Variants in PKN2 observed in about 807,000 individuals in gnomAD.
The protein encoded by PKN2 is protein kinase N2, also known as serine/threonine-protein kinase N2.
A neutral mutation model predicts 119.1 loss-of-function variants in PKN2; 38 were observed. That is an observed-to-expected ratio of 0.32 (90% confidence interval 0.25 to 0.42). The LOEUF (loss-of-function observed/expected upper bound fraction) is 0.42, where lower values mean the gene tolerates loss of function less well. Among genes scored for constraint, PKN2 ranks in the 10% least tolerant of loss-of-function variants. PKN2 has a pLI of 1.00. For missense variants in PKN2, 850 were observed against 1,165.1 expected (o/e 0.73, Z 3.94); for synonymous variants, 390 against 384.9 (o/e 1.01, Z -0.15).
At chr1:88,773,207 A>G (rs1312448319) in intron 6 of PKN2, among the ~76,000 whole-genome samples, 1 of 151,680 alleles carries the variant, frequency 6.6e-6, no homozygotes, top group East Asian at 1.9e-4. Flanking sequence ...TCTGTTTTAT[A>G]AGATCCATTC....
intron 16 of PKN2, among the ~76,000 whole-genome samples, chr1:88,820,229 TATATAAATAGAA>T (rs1232306954): frequency 6.7e-4 from 28 of 41,902 alleles, no homozygotes; most frequent in African/African-American, 2.8e-3. Flanking sequence ...TATATATATA[TATATAAATAGAA>T]AAAAATAAAA....
At chr1:88,767,081 T>C (rs1278789505) in intron 3 of PKN2, among the ~76,000 whole-genome samples, 3 of 152,124 alleles carry the variant, frequency 2.0e-5, no homozygotes, top group African/African-American at 7.2e-5. Context: ...TATTATATGG[T>C]TTACTTAATA....
intron 1 of PKN2, chr1:88,684,935 C>A (rs935583157): frequency 5.9e-5 from 19 of 321,496 alleles, no homozygotes; most frequent in Non-Finnish European, 9.7e-5. Flanking sequence ...GAGAGGCCGG[C>A]CCGTCGCCCC....
At chr1:88,801,798 C>CACACCTGA (rs1671322017) in intron 8 of PKN2, among the ~76,000 whole-genome samples, 1 of 152,228 alleles carries the variant, frequency 6.6e-6, no homozygotes, top group African/African-American at 2.4e-5. Context: ...ATCGCGAGAG[C>CACACCTGA]ACACCTGAAC....
chr1:88,703,102 T>A (rs1299467906), intron 1 of PKN2, among the ~76,000 whole-genome samples: 1 of 152,242 alleles, frequency 6.6e-6, no homozygotes, highest in Non-Finnish European at 1.5e-5. Context: ...TGGTTTATTC[T>A]GTAGGTTCAA....
chr1:88,687,353 G>A (rs1176544016), intron 1 of PKN2, among the ~76,000 whole-genome samples: 1 of 152,100 alleles, frequency 6.6e-6, no homozygotes, highest in Non-Finnish European at 1.5e-5. Flanking sequence ...ATAAAAATCG[G>A]CTGTTTAAAA....
chr1:88,755,968 A>G (rs1315676514), intron 2 of PKN2, among the ~76,000 whole-genome samples: 1 of 149,286 alleles, frequency 6.7e-6, no homozygotes, highest in East Asian at 2.0e-4. Flanking sequence ...GCTGGAGTTC[A>G]GTGGCGCAAT....
chr1:88,757,429 A>G (rs1013172046), intron 2 of PKN2, among the ~76,000 whole-genome samples: 5 of 152,260 alleles, frequency 3.3e-5, no homozygotes, highest in South Asian at 4.2e-4. Flanking sequence ...CTTAATATCT[A>G]TATTTTTAGA....
intron 8 of PKN2, among the ~76,000 whole-genome samples, chr1:88,797,851 A>T (rs1671152750): frequency 6.6e-6 from 1 of 152,084 alleles, no homozygotes; most frequent in Non-Finnish European, 1.5e-5. Flanking sequence ...AATAGAGACC[A>T]GGCACAGTGG....
chr1:88,687,994 A>G (rs969137763), intron 1 of PKN2, among the ~76,000 whole-genome samples: 1 of 152,228 alleles, frequency 6.6e-6, no homozygotes, highest in African/African-American at 2.4e-5. Context: ...GTTGTGGATC[A>G]GGAAACAAGT....
chr1:88,789,111 C>T (rs111801961), intron 8 of PKN2, among the ~76,000 whole-genome samples: 1,527 of 151,948 alleles, frequency 0.01, 22 homozygotes, highest in African/African-American at 0.035. Flanking sequence ...AAATGTCGAC[C>T]GATCACTGGG....
chr1:88,827,915 G>A (rs1458412736), intron 18 of PKN2, among the ~76,000 whole-genome samples: 6 of 151,458 alleles, frequency 4.0e-5, no homozygotes, highest in East Asian at 3.9e-4. Context: ...TTGTAGAGAC[G>A]GGTTTCATCA....
chr1:88,733,209 G>A (rs1668210097), intron 1 of PKN2, among the ~76,000 whole-genome samples: 1 of 152,278 alleles, frequency 6.6e-6, no homozygotes, highest in African/African-American at 2.4e-5. Context: ...TATATACCCA[G>A]TAGTGGGATT....
In PKN2 at chr1:88,684,588, C is replaced by T; in HGVS notation, c.8C>T (p.Ser3Phe). The part of the protein sequence containing the change: MA[S>F]NPERGEILLT... Reference sequence around the variant, plus strand: ...AGTCCATACCGGAGCGCAATGGCGTCCAACCCCGAACGGGGGGAGATTCTG... The same window carrying T: ...AGTCCATACCGGAGCGCAATGGCGTTCAACCCCGAACGGGGGGAGATTCTG... The change falls in exon 1 of 22, where the codon TCC becomes TTC. Residue 3 changes from serine to phenylalanine, a missense_variant. Around this residue, in one of 9 missense-constraint regions of PKN2, gnomAD observed 73 missense variants for 61.2 expected, o/e 1.19. Coordinates refer to ENST00000370521, the MANE Select transcript of PKN2 (RefSeq NM_006256.4). The T allele has an allele frequency of 6.4e-7, 1 of 1,559,528 alleles. No individual in the cohort carries two copies. Among genetic ancestry groups the T allele is most frequent in the South Asian group, 1.2e-5 (1 of 85,194 alleles).
At chr1:88,713,301 T>C (rs918656583) in intron 1 of PKN2, among the ~76,000 whole-genome samples, 2 of 152,212 alleles carry the variant, frequency 1.3e-5, no homozygotes, top group South Asian at 4.1e-4. Context: ...GTTAATGGGA[T>C]TGCTGGGTCA....
intron 1 of PKN2, among the ~76,000 whole-genome samples, chr1:88,722,861 A>G (rs7533835): frequency 0.51 from 77,160 of 151,860 alleles, 20,310 homozygotes; most frequent in Middle Eastern, 0.7. Context: ...TGAGCAAGAA[A>G]GATTCTGCCT....
intron 1 of PKN2, 32 bp downstream of exon 1, chr1:88,684,660 G>A: frequency 1.3e-6 from 2 of 1,499,676 alleles, no homozygotes; most frequent in East Asian, 2.8e-5. Context: ...AGAGGCGCTG[G>A]CGGAGGAGAC....
chr1:88,740,009 GA>G (rs138104088), intron 1 of PKN2, among the ~76,000 whole-genome samples: 158 of 146,520 alleles, frequency 1.1e-3, no homozygotes, highest in South Asian at 2.2e-3. Context: ...AGTATTAGGG[GA>G]AAAAAAAAAT....
intron 16 of PKN2, among the ~76,000 whole-genome samples, chr1:88,818,629 C>T (rs1399486690): frequency 7.1e-6 from 1 of 141,228 alleles, no homozygotes; most frequent in African/African-American, 2.7e-5. Flanking sequence ...GCCTGGGCAA[C>T]AGAGTGAGAC....
Sources: allele counts gnomAD v4.1 joint callset (sites outside exome capture counted in the v4.1 genomes callset), GRCh38; gene constraint gnomAD v4.1.1; regional missense constraint gnomAD v4.1.1; transcripts MANE v1.5; gene names NCBI Gene and HGNC (gene_info 2026-07-23, HGNC 2026-07-21).